The following CDKL4 variants were observed in gnomAD, a reference collection of about 807,000 sequenced individuals.
CDKL4 encodes the protein cyclin dependent kinase like 4.
In CDKL4, 44 loss-of-function variants were observed where a neutral mutation model predicts 42.0. That is an observed-to-expected ratio of 1.05 (90% CI 0.82 to 1.35). CDKL4 has a LOEUF of 1.35. Ranked by LOEUF, CDKL4 falls within the 40% of genes most tolerant of loss-of-function variation. CDKL4 has a pLI of 0.00. For synonymous variants in CDKL4, 120 were observed against 121.6 expected (o/e 0.99, Z 0.09); for missense variants, 393 against 369.9 (o/e 1.06, Z -0.51).
intron 3 of CDKL4, 148 bp downstream of exon 3, chr2:39,225,691 G>T: frequency 3.0e-6 from 2 of 663,346 alleles, no homozygotes; most frequent in Non-Finnish European, 4.7e-6. Flanking sequence ...TTTGCCTTTT[G>T]AAGACATCCT....
At chr2:39,178,329 T>C (rs1675253242) in intron 9 of CDKL4, among the ~76,000 whole-genome samples, 1 of 152,148 alleles carries the variant, frequency 6.6e-6, no homozygotes, top group South Asian at 2.1e-4. Flanking sequence ...TGACTGAAAA[T>C]TAGATTGAAG....
intron 8 of CDKL4, among the ~76,000 whole-genome samples, chr2:39,182,512 T>G (rs957471431): frequency 6.6e-6 from 1 of 152,214 alleles, no homozygotes; most frequent in African/African-American, 2.4e-5. Context: ...CTGCCTGGAT[T>G]AATAACTTTC....
At chr2:39,211,440 G>T (rs138582293) in intron 4 of CDKL4, among the ~76,000 whole-genome samples, 1 of 152,242 alleles carries the variant, frequency 6.6e-6, no homozygotes, top group East Asian at 1.9e-4. Flanking sequence ...AGAAGCTCAT[G>T]TTGGCCTAAG....
chr2:39,183,043 A>G (rs1217243351), intron 8 of CDKL4, among the ~76,000 whole-genome samples: 1 of 152,190 alleles, frequency 6.6e-6, no homozygotes, highest in Non-Finnish European at 1.5e-5. Flanking sequence ...GCACTTTGGG[A>G]GGCCTAGGTG....
chr2:39,244,296 G>C (rs551466164), upstream of CDKL4, among the ~76,000 whole-genome samples: 746 of 152,364 alleles, frequency 4.9e-3, 13 homozygotes, highest in African/African-American at 0.017. Context: ...AGCGGGAACC[G>C]GGGCTGCGCA....
At chr2:39,190,078 C>T (rs1345353441) in intron 6 of CDKL4, among the ~76,000 whole-genome samples, 1 of 152,120 alleles carries the variant, frequency 6.6e-6, no homozygotes, top group Non-Finnish European at 1.5e-5. Context: ...ATTGACTTTT[C>T]CTGCAAAGGG....
chr2:39,225,410 A>C (rs921369167), intron 3 of CDKL4, among the ~76,000 whole-genome samples: 1 of 152,040 alleles, frequency 6.6e-6, no homozygotes, highest in African/African-American at 2.4e-5. Context: ...ATCTCAAAAA[A>C]AAAAAACTAT....
downstream of CDKL4, among the ~76,000 whole-genome samples, chr2:39,173,607 A>C (rs1391499135): frequency 6.6e-6 from 1 of 152,068 alleles, no homozygotes; most frequent in Non-Finnish European, 1.5e-5. Context: ...CAGAAGATCG[A>C]GACTATCCTG....
At chr2:39,190,370 G>A (rs1364808502) in exon 6 of CDKL4, 3 of 1,614,122 alleles carry the variant, frequency 1.9e-6, no homozygotes, top group Non-Finnish European at 1.7e-6. Context: ...TGGCTGGCCT[G>A]TCAGGAGCTC....
rs965718958 is a variant in CDKL4, at chr2:39,211,198, G to C, written c.363+2202C>G. Among the ~76,000 whole-genome samples, 7 of 152,130 alleles carry C rather than the reference G, an allele frequency of 4.6e-5. 1 individual carries two copies. Among genetic ancestry groups the C allele is most frequent in the African/African-American group, 1.7e-4 (7 of 41,424 alleles). ...CAAGGCAGGAGTTTGAGGCCAGCCTGGGCAAGATAGTGAGACCCCCATCTC... is the reference window on the plus strand; with the variant it reads ...CAAGGCAGGAGTTTGAGGCCAGCCTCGGCAAGATAGTGAGACCCCCATCTC... On this transcript the variant is annotated intron_variant, in intron 4 of 9. Coordinates refer to ENST00000451199, the Ensembl canonical transcript of CDKL4.
chr2:39,205,533 G>A (rs1204091158), intron 4 of CDKL4, among the ~76,000 whole-genome samples: 1 of 151,792 alleles, frequency 6.6e-6, no homozygotes, highest in Non-Finnish European at 1.5e-5. Context: ...GGCCGAGGCG[G>A]GCAGATCACG....
At chr2:39,214,513 C>T (rs1677796543) in intron 3 of CDKL4, among the ~76,000 whole-genome samples, 3 of 152,270 alleles carry the variant, frequency 2.0e-5, no homozygotes, top group Middle Eastern at 3.4e-3. Flanking sequence ...TCTAGAAAGT[C>T]TTCAATGAAT....
intron 8 of CDKL4, among the ~76,000 whole-genome samples, chr2:39,182,138 T>C (rs1320297751): frequency 6.6e-6 from 1 of 152,090 alleles, no homozygotes; most frequent in African/African-American, 2.4e-5. Flanking sequence ...AATGCCACCA[T>C]GCCTGAATAA....
chr2:39,189,822 T>C (rs914599639), intron 6 of CDKL4, among the ~76,000 whole-genome samples: 1 of 152,234 alleles, frequency 6.6e-6, no homozygotes, highest in African/African-American at 2.4e-5. Context: ...TGCACTACAA[T>C]AGCAGAGTTG....
In CDKL4 at chr2:39,185,325, T is replaced by C. The variant is rs1409849276; in HGVS notation, c.736-678A>G. 5.0e-5 allele frequency among the ~76,000 whole-genome samples: 5 copies of C among 100,830 alleles called. 1 individual carries two copies. The highest frequency in any genetic ancestry group is 1.3e-4 in the African/African-American group (3 of 22,882). The allele number at this position is 100,830 out of a possible 152,430, so 66.1% of individuals were successfully genotyped here. ...ACACATATGTATATATACATATATA[T>C]ACACATATGTATATATATACACATA... On this transcript the variant is annotated intron_variant, in intron 7 of 9. Transcript: ENST00000451199.
At chr2:39,180,032 G>A (rs1210457706) in intron 8 of CDKL4, among the ~76,000 whole-genome samples, 1 of 152,046 alleles carries the variant, frequency 6.6e-6, no homozygotes, top group African/African-American at 2.4e-5. Flanking sequence ...ACACAAAGAG[G>A]TTTTCTCTGA....
intron 2 of CDKL4, among the ~76,000 whole-genome samples, chr2:39,226,392 C>G (rs1011710388): frequency 1.4e-5 from 2 of 141,756 alleles, no homozygotes; most frequent in Admixed American, 7.3e-5. Flanking sequence ...GAAGTCCCCA[C>G]AATTAGTCTG....
intron 1 of CDKL4, among the ~76,000 whole-genome samples, chr2:39,238,188 T>C (rs1423880266): frequency 6.6e-6 from 1 of 152,160 alleles, no homozygotes; most frequent in Admixed American, 6.5e-5. Flanking sequence ...CCCAGCTCTT[T>C]GGGAGGCTGA....
chr2:39,217,317 G>GTTTGCTTGA (rs1677990881), intron 3 of CDKL4, among the ~76,000 whole-genome samples: 1 of 152,284 alleles, frequency 6.6e-6, no homozygotes, highest in African/African-American at 2.4e-5. Context: ...GCAAACATGA[G>GTTTGCTTGA]ACATCACAGT....
Sources: allele counts gnomAD v4.1 joint callset (sites outside exome capture counted in the v4.1 genomes callset), GRCh38; gene constraint gnomAD v4.1.1; transcripts MANE v1.5; gene names NCBI Gene and HGNC (gene_info 2026-07-23, HGNC 2026-07-21).